CAPZB: variants seen among roughly 807,000 people sequenced by gnomAD.
The protein encoded by CAPZB is capping actin protein of muscle Z-line subunit beta, also known as F-actin-capping protein subunit beta.
CAPZB carries 2 observed loss-of-function variants against 38.1 expected under a neutral mutation model. The ratio of observed to expected loss-of-function variants is 0.05; its 90% CI spans 0.02 to 0.17. The LOEUF is 0.17. Among genes scored for constraint, CAPZB ranks in the 10% least tolerant of loss-of-function variants. The probability of loss-of-function intolerance (pLI) is 1.00; values close to 1 mark genes in which losing one functional copy is unlikely to be tolerated. For missense variants in CAPZB, 161 were observed against 334.2 expected (o/e 0.48, Z 4.04); for synonymous variants, 107 against 127.4 (o/e 0.84, Z 1.08).
chr1:19,454,535 G>A (rs1244724495), intron 1 of CAPZB, among the ~76,000 whole-genome samples: 1 of 152,062 alleles, frequency 6.6e-6, no homozygotes, highest in East Asian at 1.9e-4. Context: ...TCCTCACTTG[G>A]TCCTTACAAC....
chr1:19,484,362 T>C, intron 1 of CAPZB: 2 of 1,550,214 alleles, frequency 1.3e-6, no homozygotes, highest in East Asian at 2.4e-5. Context: ...CGTTCATCCT[T>C]GTCCTGTGGG....
At chr1:19,378,681 C>G in intron 3 of CAPZB, 28 bp from the exon 4 acceptor site, 1 of 1,245,582 alleles carries the variant, frequency 8.0e-7, no homozygotes, top group Non-Finnish European at 1.2e-6. Context: ...AAAGTATATA[C>G]CATGAATCGT....
intron 8 of CAPZB, among the ~76,000 whole-genome samples, chr1:19,342,125 C>A (rs753916635): frequency 1.3e-5 from 2 of 152,372 alleles, no homozygotes; most frequent in African/African-American, 2.4e-5. Context: ...GGAACAGCTG[C>A]AGCTCGTTAG....
At chr1:19,421,156 A>G (rs1205943421) in intron 1 of CAPZB, among the ~76,000 whole-genome samples, 1 of 152,224 alleles carries the variant, frequency 6.6e-6, no homozygotes, top group Non-Finnish European at 1.5e-5. Context: ...GCCTAAATCA[A>G]CAAGCTACAG....
chr1:19,422,573 A>G (rs1473572529), intron 1 of CAPZB, among the ~76,000 whole-genome samples: 2 of 152,140 alleles, frequency 1.3e-5, no homozygotes, highest in East Asian at 1.9e-4. Flanking sequence ...CGTCTCTACT[A>G]AAAATACAAA....
intron 6 of CAPZB, among the ~76,000 whole-genome samples, chr1:19,349,711 G>C (rs547611752): frequency 6.6e-6 from 1 of 152,282 alleles, no homozygotes; most frequent in African/African-American, 2.4e-5. Flanking sequence ...TGATCCCCTA[G>C]AACACAGGCC....
At chr1:19,420,211 C>G (rs2094396003) in intron 1 of CAPZB, 1 of 154,932 alleles carries the variant, frequency 6.5e-6, no homozygotes, top group South Asian at 2.0e-4. Context: ...AAAAGCCAGG[C>G]AAAGAACAAG....
chr1:19,353,504 G>A (rs1330387364), intron 6 of CAPZB, among the ~76,000 whole-genome samples: 1 of 151,672 alleles, frequency 6.6e-6, no homozygotes, highest in African/African-American at 2.4e-5. Flanking sequence ...GCCACCTCAT[G>A]CCTCAGACTG....
In CAPZB at chr1:19,339,154, A is replaced by C. The variant is rs941208775; in HGVS notation, c.*376T>G. ...TTCACACACCACAGTTAGTTCATAA[A>C]ATTTTTTTGTTTTACATTTTTTACA... On this transcript the variant is annotated 3_prime_UTR_variant, in exon 9 of 9. Coordinates refer to ENST00000264202, the MANE Select transcript of CAPZB (RefSeq NM_004930.5). The C allele has an allele frequency of 1.8e-5, 4 of 223,890 alleles. No individual in the cohort carries two copies. The highest frequency in any genetic ancestry group is 3.6e-5 in the Non-Finnish European group (4 of 112,276). 13.9% of individuals were successfully genotyped at this position (223,890 alleles called of 1,614,324 possible). A position where few individuals can be genotyped will look rare whatever the true frequency, so the allele number is the denominator to read the frequency against.
chr1:19,478,507 G>T (rs2094615119), intron 1 of CAPZB, among the ~76,000 whole-genome samples: 1 of 152,194 alleles, frequency 6.6e-6, no homozygotes, highest in Admixed American at 6.5e-5. Context: ...GAAAGTTGTA[G>T]GCAAAGGCTC....
At chr1:19,455,846 G>T (rs2094531409) in intron 1 of CAPZB, among the ~76,000 whole-genome samples, 1 of 152,180 alleles carries the variant, frequency 6.6e-6, no homozygotes, top group South Asian at 2.1e-4. Context: ...ACAATCTCAA[G>T]CAAGTTATAT....
chr1:19,344,092 C>T (rs12068616), intron 8 of CAPZB, among the ~76,000 whole-genome samples: 2,942 of 152,210 alleles, frequency 0.019, 104 homozygotes, highest in African/African-American at 0.067. Flanking sequence ...GAGGAGGCTC[C>T]GGGGGCAAGG....
At chr1:19,462,112 T>C (rs1297172829) in intron 1 of CAPZB, among the ~76,000 whole-genome samples, 4 of 151,644 alleles carry the variant, frequency 2.6e-5, no homozygotes, top group Non-Finnish European at 5.9e-5. Context: ...CACCTGTGAA[T>C]GAGCCACTGC....
chr1:19,433,866 C>G (rs780429000), intron 1 of CAPZB, among the ~76,000 whole-genome samples: 2 of 151,194 alleles, frequency 1.3e-5, no homozygotes, highest in Non-Finnish European at 3.0e-5. Flanking sequence ...CCATCCAGCT[C>G]AAGGGTAACT....
At chr1:19,416,437 G>A (rs1181097866) in intron 2 of CAPZB, among the ~76,000 whole-genome samples, 1 of 152,004 alleles carries the variant, frequency 6.6e-6, no homozygotes, top group Non-Finnish European at 1.5e-5. Context: ...GAGGTGAGGT[G>A]GCCATATGTA....
chr1:19,448,994 G>A (rs2094505698), intron 1 of CAPZB: 8 of 1,584,750 alleles, frequency 5.0e-6, no homozygotes, highest in African/African-American at 1.3e-5. Context: ...AACATGACGT[G>A]ACTAGGGACG....
At chr1:19,448,670 G>A (rs1409426156) in intron 1 of CAPZB, among the ~76,000 whole-genome samples, 1 of 152,178 alleles carries the variant, frequency 6.6e-6, no homozygotes, top group African/African-American at 2.4e-5. Context: ...TGGGCAAAAA[G>A]TTGTCACCTA....
intron 1 of CAPZB, among the ~76,000 whole-genome samples, chr1:19,427,221 G>T (rs1190941509): frequency 6.6e-6 from 1 of 152,216 alleles, no homozygotes; most frequent in Non-Finnish European, 1.5e-5. Context: ...TGCAAGCAGA[G>T]GTCCTGCTTG....
At chr1:19,404,543 T>TAAAAA (rs11356951) in intron 2 of CAPZB, among the ~76,000 whole-genome samples, 14 of 128,062 alleles carry the variant, frequency 1.1e-4, no homozygotes, top group Non-Finnish European at 1.3e-4. Context: ...AACTCCATGT[T>TAAAAA]AAAAAAAAAA....
Sources: gnomAD v4.1 joint callset for allele counts (sites outside exome capture counted in the v4.1 genomes callset) on GRCh38, gnomAD v4.1.1 for gene constraint, MANE v1.5 for transcripts, NCBI Gene and HGNC (gene_info 2026-07-23, HGNC 2026-07-21) for gene names.